ROBO1: variants seen among roughly 807,000 people sequenced by gnomAD.
ROBO1 encodes roundabout guidance receptor 1.
Under a neutral mutation model 195.9 loss-of-function variants are expected in ROBO1, and 149 were observed. The ratio of observed to expected loss-of-function variants is 0.76; its 90% CI spans 0.67 to 0.87. The LOEUF is 0.87. Among genes scored for constraint, ROBO1 ranks in the 40% least tolerant of loss-of-function variants. The pLI is 0.00. For missense variants in ROBO1, 1,933 were observed against 2,068.3 expected (o/e 0.93, Z 1.27); for synonymous variants, 816 against 733.2 (o/e 1.11, Z -1.82).
intron 2 of ROBO1, among the ~76,000 whole-genome samples, chr3:79,238,380 A>G (rs1223430584): frequency 6.6e-6 from 1 of 152,164 alleles, no homozygotes; most frequent in African/African-American, 2.4e-5. Context: ...TGGAAATGCA[A>G]TACTCTTCAG....
chr3:79,342,618 T>C (rs368531977), intron 2 of ROBO1, among the ~76,000 whole-genome samples: 22 of 152,104 alleles, frequency 1.4e-4, no homozygotes, highest in African/African-American at 5.1e-4. Flanking sequence ...TCTGGCCTAG[T>C]GGAAGGATTA....
At chr3:78,695,683 T>A (rs1226338473) in intron 8 of ROBO1, among the ~76,000 whole-genome samples, 1 of 148,536 alleles carries the variant, frequency 6.7e-6, no homozygotes, top group Non-Finnish European at 1.5e-5. Context: ...CTATTAAGGA[T>A]CTTAAAAGTT....
chr3:79,761,985 A>C (rs951076867), intron 1 of ROBO1, among the ~76,000 whole-genome samples: 6 of 152,140 alleles, frequency 3.9e-5, no homozygotes, highest in Non-Finnish European at 7.4e-5. Flanking sequence ...CTGGTGTTTT[A>C]AGGGCTACTT....
chr3:79,503,005 G>C (rs1482448669), intron 2 of ROBO1, among the ~76,000 whole-genome samples: 2 of 152,152 alleles, frequency 1.3e-5, no homozygotes, highest in South Asian at 2.1e-4. Flanking sequence ...CCAGATAAGA[G>C]AATAAAAGCA....
chr3:78,652,899 T>C (rs897350183), intron 18 of ROBO1, among the ~76,000 whole-genome samples: 2 of 152,126 alleles, frequency 1.3e-5, no homozygotes, highest in Non-Finnish European at 2.9e-5. Context: ...CTGGAGGCTG[T>C]ATCATCAAAG....
At chr3:78,802,202 T>G (rs1234284701) in intron 4 of ROBO1, among the ~76,000 whole-genome samples, 1 of 152,186 alleles carries the variant, frequency 6.6e-6, no homozygotes. Context: ...ACTTTCTTCA[T>G]TAGATAACTC....
intron 2 of ROBO1, among the ~76,000 whole-genome samples, chr3:79,241,292 T>C (rs2082512194): frequency 6.6e-6 from 1 of 152,228 alleles, no homozygotes; most frequent in Non-Finnish European, 1.5e-5. Context: ...AAAATACTTC[T>C]TTCCAAGGAA....
chr3:79,370,209 A>G (rs2036139909), intron 2 of ROBO1, among the ~76,000 whole-genome samples: 1 of 151,692 alleles, frequency 6.6e-6, no homozygotes, highest in South Asian at 2.1e-4. Context: ...TGGAAAAAAA[A>G]AAAAGCCAGG....
chr3:79,043,548 AT>A lies in ROBO1; in HGVS notation c.172+81907del, dbSNP rs772032192. Among the ~76,000 whole-genome samples, 441 of 151,720 alleles carry A rather than the reference AT, an allele frequency of 2.9e-3. 3 individuals carry two copies. Among genetic ancestry groups the A allele is most frequent in the African/African-American group, 1.0e-2 (412 of 41,364 alleles). ...AGATATATAGAATGACATCATATAGATTTTTTTTTAAAAAAACTCCTCTCAG... is the reference window on the plus strand; with the variant it reads ...AGATATATAGAATGACATCATATAGATTTTTTTTAAAAAAACTCCTCTCAG... On this transcript the variant is annotated intron_variant, in intron 3 of 30. Coordinates refer to ENST00000464233, the MANE Select transcript of ROBO1 (RefSeq NM_002941.4).
At chr3:79,659,949 G>T (rs1946281717) in intron 1 of ROBO1, among the ~76,000 whole-genome samples, 1 of 152,042 alleles carries the variant, frequency 6.6e-6, no homozygotes, top group African/African-American at 2.4e-5. Context: ...AGCAATGATT[G>T]GTTCCCTATA....
At chr3:79,493,676 C>A (rs1160996064) in intron 2 of ROBO1, among the ~76,000 whole-genome samples, 1 of 151,772 alleles carries the variant, frequency 6.6e-6, no homozygotes, top group East Asian at 1.9e-4. Flanking sequence ...GAATTTTATA[C>A]CAAAGGTAAG....
intron 3 of ROBO1, among the ~76,000 whole-genome samples, chr3:79,000,149 G>A (rs1366462061): frequency 6.6e-6 from 1 of 152,090 alleles, no homozygotes; most frequent in African/African-American, 2.4e-5. Context: ...GTGGCCTCAG[G>A]AAACTTACAA....
chr3:79,316,665 G>A (rs994073183), intron 2 of ROBO1, among the ~76,000 whole-genome samples: 10 of 152,038 alleles, frequency 6.6e-5, no homozygotes. Context: ...CGGAAGGTGG[G>A]GAGAGTAAAT....
intron 4 of ROBO1, among the ~76,000 whole-genome samples, chr3:78,897,895 C>T (rs1038816172): frequency 2.0e-5 from 3 of 151,754 alleles, no homozygotes; most frequent in African/African-American, 7.3e-5. Flanking sequence ...TTACGAAATG[C>T]TTGTTAATCT....
At chr3:79,756,517 T>A (rs903778217) in intron 1 of ROBO1, among the ~76,000 whole-genome samples, 36 of 130,088 alleles carry the variant, frequency 2.8e-4, no homozygotes, top group African/African-American at 1.1e-3. Flanking sequence ...GCCACTGCAC[T>A]CCAGCCTGGG....
At chr3:78,999,477 G>T (rs1382739786) in intron 3 of ROBO1, among the ~76,000 whole-genome samples, 3 of 152,050 alleles carry the variant, frequency 2.0e-5, no homozygotes, top group Non-Finnish European at 4.4e-5. Flanking sequence ...TCAATGATAA[G>T]TGGGAGCTAA....
At chr3:79,158,702 A>G (rs2080901544) in intron 2 of ROBO1, among the ~76,000 whole-genome samples, 1 of 151,714 alleles carries the variant, frequency 6.6e-6, no homozygotes, top group Non-Finnish European at 1.5e-5. Context: ...TCTTTTCACC[A>G]TGTTTCAAAT....
intron 1 of ROBO1, among the ~76,000 whole-genome samples, chr3:79,683,936 C>T (rs1462759307): frequency 6.6e-6 from 1 of 152,016 alleles, no homozygotes; most frequent in African/African-American, 2.4e-5. Context: ...TGAGTGGACA[C>T]ATGCTTTCAA....
At chr3:79,645,200 A>G (rs1307062952) in intron 1 of ROBO1, among the ~76,000 whole-genome samples, 3 of 152,034 alleles carry the variant, frequency 2.0e-5, no homozygotes, top group Non-Finnish European at 4.4e-5. Context: ...AAAAGAAGAA[A>G]TCATAACAAT....
Sources: gnomAD v4.1 joint callset for allele counts (sites outside exome capture counted in the v4.1 genomes callset) on GRCh38, gnomAD v4.1.1 for gene constraint, MANE v1.5 for transcripts, NCBI Gene and HGNC (gene_info 2026-07-23, HGNC 2026-07-21) for gene names.